The following ATP8A2 variants were observed in gnomAD, a reference collection of about 807,000 sequenced individuals.
ATP8A2 encodes the protein ATPase phospholipid transporting 8A2, also known as phospholipid-transporting ATPase IB.
A neutral mutation model predicts 165.6 loss-of-function variants in ATP8A2; 100 were observed. That is an observed-to-expected ratio of 0.60 (90% CI 0.51 to 0.71). ATP8A2 has a LOEUF of 0.71. Among genes scored for constraint, ATP8A2 ranks in the 30% least tolerant of loss-of-function variants. The probability of loss-of-function intolerance (pLI) is 0.00; values close to 1 mark genes in which losing one functional copy is unlikely to be tolerated. For missense variants in ATP8A2, 1,227 were observed against 1,479.5 expected (o/e 0.83, Z 2.80); for synonymous variants, 543 against 548.8 (o/e 0.99, Z 0.15).
At chr13:25,435,918 T>TGTATGTGAGTGA (rs2034748195) in intron 1 of ATP8A2, among the ~76,000 whole-genome samples, 1 of 126,770 alleles carries the variant, frequency 7.9e-6, no homozygotes, top group Non-Finnish European at 1.7e-5. Flanking sequence ...GCATCGTGTG[T>TGTATGTGAGTGA]GTGTGTGTGT....
intron 27 of ATP8A2, among the ~76,000 whole-genome samples, chr13:25,808,380 C>T (rs555362254): frequency 1.3e-4 from 20 of 151,984 alleles, no homozygotes; most frequent in Non-Finnish European, 2.6e-4. Context: ...AGGCAGATCA[C>T]TTGAGGTCAG....
chr13:25,854,599 GGCCACTGT>G (rs1037931334), intron 30 of ATP8A2, among the ~76,000 whole-genome samples: 6 of 152,090 alleles, frequency 3.9e-5, no homozygotes, highest in Non-Finnish European at 1.5e-5. Context: ...TGCAGGTGTG[GGCCACTGT>G]GCCTGGCCAA....
At chr13:25,959,940 G>A (rs1483849597) in intron 33 of ATP8A2, among the ~76,000 whole-genome samples, 2 of 152,134 alleles carry the variant, frequency 1.3e-5, no homozygotes, top group African/African-American at 4.8e-5. Context: ...TAAACTTTTC[G>A]GTCAAAAGCT....
intron 24 of ATP8A2, among the ~76,000 whole-genome samples, chr13:25,647,522 T>C (rs1275275918): frequency 3.3e-5 from 5 of 152,170 alleles, no homozygotes; most frequent in Non-Finnish European, 5.9e-5. Context: ...GTTCTTAGAA[T>C]TTCTTCTTTG....
intron 10 of ATP8A2, 105 bp downstream of exon 10, chr13:25,543,507 T>A: frequency 1.4e-6 from 1 of 705,340 alleles, no homozygotes; most frequent in Non-Finnish European, 2.4e-6. Flanking sequence ...AATTTGTCTA[T>A]GAACCTAAAT....
At chr13:25,487,782 G>C (rs543601267) in intron 2 of ATP8A2, among the ~76,000 whole-genome samples, 1 of 152,264 alleles carries the variant, frequency 6.6e-6, no homozygotes, top group South Asian at 2.1e-4. Context: ...GGTTATCATG[G>C]AGAACTTTAA....
intron 2 of ATP8A2, among the ~76,000 whole-genome samples, chr13:25,519,813 T>A (rs1017308160): frequency 1.3e-5 from 2 of 152,160 alleles, no homozygotes; most frequent in African/African-American, 4.8e-5. Flanking sequence ...GTGAATAAAC[T>A]ATCCTGTTGG....
At chr13:25,524,617 C>A (rs919405521) in intron 2 of ATP8A2, among the ~76,000 whole-genome samples, 2 of 151,736 alleles carry the variant, frequency 1.3e-5, no homozygotes, top group African/African-American at 2.4e-5. Flanking sequence ...ACTTGTAGTC[C>A]GTTTTGTGTA....
intron 1 of ATP8A2, among the ~76,000 whole-genome samples, chr13:25,465,249 T>A (rs78671178): frequency 0.18 from 26,767 of 151,790 alleles, 2,644 homozygotes; most frequent in Non-Finnish European, 0.21. Context: ...TTTTTGAAAA[T>A]TTTTTTTTCT....
chr13:25,601,937 C>T (rs991813574), intron 24 of ATP8A2, among the ~76,000 whole-genome samples: 1 of 152,198 alleles, frequency 6.6e-6, no homozygotes, highest in Non-Finnish European at 1.5e-5. Flanking sequence ...ACCCTCTTAG[C>T]AACTCTGTAA....
intron 33 of ATP8A2, among the ~76,000 whole-genome samples, chr13:25,882,935 A>ATGATGATGATGG (rs1555284471): frequency 2.7e-4 from 39 of 145,650 alleles, no homozygotes; most frequent in Non-Finnish European, 1.5e-4. Context: ...GATGATGATG[A>ATGATGATGATGG]TGATGGTGAT....
chr13:25,422,590 A>G (rs1482220586), intron 1 of ATP8A2, among the ~76,000 whole-genome samples: 1 of 152,238 alleles, frequency 6.6e-6, no homozygotes, highest in East Asian at 1.9e-4. Flanking sequence ...TTTTAATAAA[A>G]CAATGAACTT....
intron 1 of ATP8A2, among the ~76,000 whole-genome samples, chr13:25,377,636 C>T (rs1211791131): frequency 6.6e-6 from 1 of 151,974 alleles, no homozygotes; most frequent in Non-Finnish European, 1.5e-5. Flanking sequence ...CCTAAAAGTA[C>T]AAAAATTAGC....
chr13:25,432,776 GGATGTTTACAT>G (rs2034651069), intron 1 of ATP8A2, among the ~76,000 whole-genome samples: 1 of 152,142 alleles, frequency 6.6e-6, no homozygotes, highest in Admixed American at 6.5e-5. Flanking sequence ...GTGAACTCCT[GGATGTTTACAT>G]GTTCTCAAGT....
chr13:25,810,713 C>T (rs1256442452), intron 27 of ATP8A2, among the ~76,000 whole-genome samples: 2 of 151,998 alleles, frequency 1.3e-5, no homozygotes, highest in African/African-American at 2.4e-5. Context: ...AGCTCAAATA[C>T]TGGGACATGA....
chr13:25,479,244 T>C (rs1317343253), intron 2 of ATP8A2, among the ~76,000 whole-genome samples: 3 of 152,224 alleles, frequency 2.0e-5, no homozygotes, highest in Non-Finnish European at 2.9e-5. Flanking sequence ...CAGTACATAT[T>C]TACCAAGATT....
chr13:25,496,027 C>T (rs1215716957), intron 2 of ATP8A2, among the ~76,000 whole-genome samples: 1 of 152,168 alleles, frequency 6.6e-6, no homozygotes, highest in Non-Finnish European at 1.5e-5. Context: ...TATGCTCCAA[C>T]ACTAGATGTT....
intron 17 of ATP8A2, among the ~76,000 whole-genome samples, 192 bp downstream of exon 17, chr13:25,571,064 A>G (rs2039453812): frequency 6.6e-6 from 1 of 152,042 alleles, no homozygotes; most frequent in Non-Finnish European, 1.5e-5. Flanking sequence ...CCTGACTCTC[A>G]TGACTCTTTT....
intron 30 of ATP8A2, among the ~76,000 whole-genome samples, chr13:25,852,347 T>G (rs1952028079): frequency 6.6e-6 from 1 of 152,178 alleles, no homozygotes; most frequent in Admixed American, 6.5e-5. Context: ...AAGAATTATC[T>G]GGCCCAAAAT....
Sources: gnomAD v4.1 joint callset for allele counts (sites outside exome capture counted in the v4.1 genomes callset) on GRCh38, gnomAD v4.1.1 for gene constraint, MANE v1.5 for transcripts, NCBI Gene and HGNC (gene_info 2026-07-23, HGNC 2026-07-21) for gene names.